The following TANGO6 variants were observed in gnomAD, a reference collection of about 807,000 sequenced individuals.
TANGO6 encodes transport and golgi organization 6 homolog, also known as transport and Golgi organization protein 6 homolog.
Under a neutral mutation model 114.2 loss-of-function variants are expected in TANGO6, and 90 were observed. That is an observed-to-expected ratio of 0.79 (90% CI 0.66 to 0.94). The LOEUF is 0.94. Ranked by LOEUF, TANGO6 falls within the 40% of genes least tolerant of loss-of-function variation. The pLI, the probability that TANGO6 is intolerant of heterozygous loss-of-function variation, is 0.00. For synonymous variants in TANGO6, 477 were observed against 509.8 expected (o/e 0.94, Z 0.87); for missense variants, 1,274 against 1,315.3 (o/e 0.97, Z 0.49).
At chr16:69,063,643 C>CAA (rs770332921) in intron 17 of TANGO6, among the ~76,000 whole-genome samples, 3,089 of 35,674 alleles carry the variant, frequency 0.087, 699 homozygotes, top group Non-Finnish European at 0.13. Context: ...ACTCCATCTC[C>CAA]AAAAAAAAAA....
At chr16:69,027,585 G>A (rs1278932525) in intron 16 of TANGO6, among the ~76,000 whole-genome samples, 1 of 152,040 alleles carries the variant, frequency 6.6e-6, no homozygotes, top group African/African-American at 2.4e-5. Context: ...GTAACCTTAA[G>A]AGAAGGCTTT....
chr16:69,011,217 T>A (rs559880587), intron 15 of TANGO6, among the ~76,000 whole-genome samples: 5 of 152,292 alleles, frequency 3.3e-5, no homozygotes, highest in African/African-American at 1.2e-4. Context: ...AGGAATGGTT[T>A]TGTCTGTGTT....
At chr16:69,002,444 C>T (rs563863738) in intron 15 of TANGO6, among the ~76,000 whole-genome samples, 13 of 152,154 alleles carry the variant, frequency 8.5e-5, no homozygotes, top group African/African-American at 2.9e-4. Flanking sequence ...GGATGTTTTC[C>T]CCCATGCTGT....
intron 16 of TANGO6, among the ~76,000 whole-genome samples, chr16:69,030,982 G>A (rs368732588): frequency 7.2e-5 from 11 of 151,972 alleles, no homozygotes; most frequent in Non-Finnish European, 1.3e-4. Flanking sequence ...CTTGAACCCC[G>A]GAGGTGGAGG....
chr16:69,025,502 G>A (rs963989450), intron 16 of TANGO6, among the ~76,000 whole-genome samples: 1 of 152,166 alleles, frequency 6.6e-6, no homozygotes, highest in African/African-American at 2.4e-5. Context: ...ACTCAAAGGC[G>A]GGCCCCACAG....
intron 7 of TANGO6, among the ~76,000 whole-genome samples, chr16:68,894,026 A>C (rs1962670827): frequency 6.6e-6 from 1 of 152,210 alleles, no homozygotes; most frequent in South Asian, 2.1e-4. Context: ...TCCTCAGTCC[A>C]TACTGTCACC....
rs965337594 is a variant in TANGO6, at chr16:69,080,910, G to A, written c.3109-2575G>A. ...TCCCAGCACTTTGGGAGGCCGAGGC[G>A]GGCAGATCATGAGGTCAGGAGATCG... On this transcript the variant is annotated intron_variant, in intron 17 of 17. Coordinates refer to ENST00000261778, the MANE Select transcript of TANGO6 (RefSeq NM_024562.2). 1.2e-4 allele frequency among the ~76,000 whole-genome samples: 19 copies of A among 152,172 alleles called. No homozygotes were observed. The East Asian group carries it at 2.3e-3, about 19-fold the overall frequency.
intron 8 of TANGO6, among the ~76,000 whole-genome samples, chr16:68,901,055 C>G (rs1406188295): frequency 1.3e-5 from 2 of 152,148 alleles, no homozygotes; most frequent in Non-Finnish European, 2.9e-5. Flanking sequence ...AAGTAGGATT[C>G]ATTTTGTATC....
intron 17 of TANGO6, among the ~76,000 whole-genome samples, chr16:69,042,411 G>A (rs936089309): frequency 5.9e-5 from 9 of 152,216 alleles, no homozygotes; most frequent in African/African-American, 1.9e-4. Flanking sequence ...GCCAGGCGTG[G>A]TGGCAGGCAC....
intron 15 of TANGO6, among the ~76,000 whole-genome samples, chr16:68,993,163 C>T (rs928449457): frequency 6.6e-6 from 1 of 152,118 alleles, no homozygotes; most frequent in Non-Finnish European, 1.5e-5. Context: ...TTCTAAAAAT[C>T]ACCAGCTGCA....
intron 16 of TANGO6, among the ~76,000 whole-genome samples, chr16:69,032,866 A>G (rs1332748401): frequency 8.0e-6 from 1 of 124,804 alleles, no homozygotes; most frequent in African/African-American, 3.4e-5. Context: ...ACAGAACAAG[A>G]CTCCATCTCA....
Position 68,859,909 on chromosome 16 carries a change from C to T in TANGO6, c.120C>T (p.Val40=), listed in dbSNP as rs747548555. Residue 40 remains valine (V), a synonymous_variant, in exon 2 of 18, where the codon GTC becomes GTT. Coordinates refer to ENST00000261778, the MANE Select transcript of TANGO6 (RefSeq NM_024562.2). ...PGGSGSSSLQ[V]TKHDVLLATL... ...GCTCGGGCTCAAGTTCACTACAGGT[C>T]ACAAAACATGATGTCTTGTTGGCTA... 2 of 1,592,384 alleles carry T rather than the reference C, an allele frequency of 1.3e-6. No individual in the cohort carries two copies. The highest frequency in any genetic ancestry group is 2.2e-5 in the East Asian group (1 of 44,648).
chr16:68,952,235 A>G (rs1400825610), intron 14 of TANGO6, among the ~76,000 whole-genome samples: 1 of 152,200 alleles, frequency 6.6e-6, no homozygotes, highest in Admixed American at 6.5e-5. Context: ...TTTGAAGGCA[A>G]GTTAAGGAGG....
Position 68,919,081 on chromosome 16 carries a change from G to T in TANGO6, c.1993-4G>T. 1 of 1,600,934 alleles carries T rather than the reference G, an allele frequency of 6.2e-7. No homozygotes were observed. Among genetic ancestry groups the T allele is most frequent in the Non-Finnish European group, 8.5e-7 (1 of 1,174,728 alleles). On this transcript the variant is annotated splice_polypyrimidine_tract_variant and splice_region_variant and intron_variant, in intron 11 of 17. Transcript: ENST00000261778. ...ATTGATTCTCAATTCCCTTTTTTGG[G>T]TAGGTGGTGGACTTTGTAGCAGCAA...
Position 68,851,965 on chromosome 16 carries a change from T to A in TANGO6, c.95-7919T>A, listed in dbSNP as rs114356465. On this transcript the variant is annotated intron_variant, in intron 1 of 17. Coordinates refer to ENST00000261778, the MANE Select transcript of TANGO6 (RefSeq NM_024562.2). The stretch of plus-strand genomic sequence containing the variant: ...TAAGGGCCATTTGCATTTCTTTTCC[T>A]ATAAACTGTCTGTATCTTTTGCTCA... Among the ~76,000 whole-genome samples the A allele has an allele frequency of 2.0e-3, 299 of 152,368 alleles. 1 individual carries two copies. The highest frequency in any genetic ancestry group is 6.9e-3 in the African/African-American group (289 of 41,586).
At chr16:68,952,309 C>A (rs566437713) in intron 14 of TANGO6, among the ~76,000 whole-genome samples, 1 of 152,290 alleles carries the variant, frequency 6.6e-6, no homozygotes, top group South Asian at 2.1e-4. Flanking sequence ...CCCTTAAATA[C>A]AGCATCCCAC....
At chr16:69,032,298 C>T (rs527580975) in intron 16 of TANGO6, among the ~76,000 whole-genome samples, 4 of 152,162 alleles carry the variant, frequency 2.6e-5, no homozygotes, top group Admixed American at 6.5e-5. Flanking sequence ...CAGAGCCTCG[C>T]GCTGTCGCCC....
In TANGO6 at chr16:68,919,136, C is replaced by T. The variant is rs377640240; in HGVS notation, c.2044C>T (p.His682Tyr). 1.4e-5 allele frequency: 22 copies of T among 1,612,998 alleles called. No individual in the cohort carries two copies. In the African/African-American group the frequency reaches 2.8e-4, roughly 21 times the overall value. Residue 682 changes from histidine (H) to tyrosine (Y), a missense_variant, in exon 12 of 18, where the codon CAT (histidine) becomes TAT (tyrosine). Physicochemically the swap from His to Tyr is moderately conservative, Grantham distance 83 (BLOSUM62 2). Transcript: ENST00000261778. Reference protein sequence around the residue: ...TLQRACASLAHQAESTVESQT... With the variant: ...TLQRACASLAYQAESTVESQT... ...GCAGAGAGCCTGTGCAAGCCTGGCC[C>T]ATCAGGCAGAGAGCACCGTGGAATC... is the stretch of plus-strand genomic sequence containing the variant.
chr16:68,938,154 G>T (rs921102221), intron 14 of TANGO6, among the ~76,000 whole-genome samples: 5 of 152,144 alleles, frequency 3.3e-5, no homozygotes, highest in African/African-American at 4.8e-5. Context: ...AAGTATAAAG[G>T]TGAATCTCTA....
Sources: gnomAD v4.1 joint callset for allele counts (sites outside exome capture counted in the v4.1 genomes callset) on GRCh38, gnomAD v4.1.1 for gene constraint, MANE v1.5 for transcripts, NCBI Gene and HGNC (gene_info 2026-07-23, HGNC 2026-07-21) for gene names.